The following EIF3H variants were observed in gnomAD, a reference collection of about 807,000 sequenced individuals.
EIF3H encodes eIF-3-gamma.
EIF3H carries 26 observed loss-of-function variants against 44.2 expected under a neutral mutation model. The observed-to-expected ratio is 0.59, with a 90% CI of 0.43 to 0.82. EIF3H has a LOEUF of 0.82. Ranked by LOEUF, EIF3H falls within the 40% of genes least tolerant of loss-of-function variation. EIF3H has a pLI of 0.00. For missense variants in EIF3H, 359 were observed against 432.8 expected, an observed-to-expected ratio of 0.83 and a Z score of 1.51; for synonymous variants, 166 against 151.9, an observed-to-expected ratio of 1.09 and a Z score of -0.68.
chr8:116,738,965 T>C (rs912830627), intron 1 of EIF3H, among the ~76,000 whole-genome samples: 1 of 152,226 alleles, frequency 6.6e-6, no homozygotes, highest in Non-Finnish European at 1.5e-5. Flanking sequence ...ATTACTCTTG[T>C]TGGGAACAGG....
chr8:116,667,698 T>C (rs2130810622), intron 2 of EIF3H, among the ~76,000 whole-genome samples: 1 of 152,326 alleles, frequency 6.6e-6, no homozygotes, highest in East Asian at 1.9e-4. Flanking sequence ...TGATAATAAA[T>C]GACCCACAGA....
At chr8:116,692,829 G>GT (rs1180688088) in intron 2 of EIF3H, among the ~76,000 whole-genome samples, 6 of 152,122 alleles carry the variant, frequency 3.9e-5, no homozygotes, top group Non-Finnish European at 8.8e-5. Context: ...CCTTCAGCTG[G>GT]TTTTCACAAT....
At chr8:116,726,785 GTCT>G (rs1006458071) in intron 1 of EIF3H, among the ~76,000 whole-genome samples, 3 of 152,122 alleles carry the variant, frequency 2.0e-5, no homozygotes, top group African/African-American at 7.2e-5. Flanking sequence ...GAATAACCAG[GTCT>G]TCTACTACTC....
At chr8:116,714,524 A>G (rs1037739107) in intron 2 of EIF3H, among the ~76,000 whole-genome samples, 1 of 152,050 alleles carries the variant, frequency 6.6e-6, no homozygotes, top group African/African-American at 2.4e-5. Context: ...GCTGAAGTGA[A>G]TTACAGTGGA....
intron 1 of EIF3H, among the ~76,000 whole-genome samples, chr8:116,736,285 A>ATACAT (rs1409150860): frequency 1.3e-5 from 2 of 152,214 alleles, no homozygotes; most frequent in African/African-American, 4.8e-5. Flanking sequence ...AAGTGGGGAA[A>ATACAT]CTATTCTATT....
At chr8:116,686,959 C>T (rs986057804) in intron 2 of EIF3H, among the ~76,000 whole-genome samples, 2 of 152,114 alleles carry the variant, frequency 1.3e-5, no homozygotes, top group African/African-American at 4.8e-5. Flanking sequence ...GCCATTATCT[C>T]AAAGGGCCAC....
rs1339843782 is a variant in EIF3H at position 116,646,476 on chromosome 8, A to G, written c.956T>C (p.Ile319Thr). The G allele has an allele frequency of 6.2e-7, 1 of 1,614,214 alleles. No individual in the cohort carries two copies. The highest frequency in any genetic ancestry group is 8.5e-7 in the Non-Finnish European group (1 of 1,180,024). Reference sequence around the variant, plus strand: ...TTTGCACTGGGCAACAATACCTGCAATGAGCAGCGAGTCCATCCTGGCAGG... The same window carrying G: ...TTTGCACTGGGCAACAATACCTGCAGTGAGCAGCGAGTCCATCCTGGCAGG... ...QPPARMDSLL[I>T]AGQINTYCQN... is the part of the protein sequence containing the mutation. Residue 319 changes from isoleucine to threonine, a missense_variant, in exon 7 of 8, where the codon ATT (isoleucine) becomes ACT (threonine). Ile to Thr is a moderately conservative substitution (Grantham distance 89). This residue lies in a region of EIF3H where 94 missense variants were observed against 96.0 expected (regional missense o/e 0.98). Coordinates refer to ENST00000521861, the MANE Select transcript of EIF3H (RefSeq NM_003756.3).
Position 116,658,986 on chromosome 8 carries a change from T to C in EIF3H, c.290-6A>G. 6.3e-7 allele frequency: 1 copy of C among 1,588,456 alleles called. No homozygotes were observed. Among genetic ancestry groups the C allele is most frequent in the South Asian group, 1.2e-5 (1 of 86,636 alleles). ...CATTTCCATCTGATATTGGACTGGATGATGGGGAAGAGGAAATTAAAAGAA... is the reference window on the plus strand; with the variant it reads ...CATTTCCATCTGATATTGGACTGGACGATGGGGAAGAGGAAATTAAAAGAA... On this transcript the variant is annotated splice_polypyrimidine_tract_variant and splice_region_variant and intron_variant, in intron 2 of 7. Coordinates refer to ENST00000521861, the MANE Select transcript of EIF3H (RefSeq NM_003756.3).
chr8:116,751,620 C>A (rs1467989043), intron 1 of EIF3H, among the ~76,000 whole-genome samples: 2 of 152,116 alleles, frequency 1.3e-5, no homozygotes, highest in Non-Finnish European at 2.9e-5. Flanking sequence ...GTCAAACAGG[C>A]AATGGGTATT....
intron 1 of EIF3H, among the ~76,000 whole-genome samples, chr8:116,732,930 T>C (rs914734062): frequency 3.3e-5 from 5 of 152,208 alleles, no homozygotes; most frequent in Admixed American, 2.6e-4. Context: ...AATTCAATTT[T>C]TGACACTATC....
intron 1 of EIF3H, among the ~76,000 whole-genome samples, chr8:116,736,633 G>A (rs965568012): frequency 6.6e-6 from 1 of 152,108 alleles, no homozygotes; most frequent in African/African-American, 2.4e-5. Context: ...TTGCACTCCA[G>A]CCTGGGCGAC....
chr8:116,763,571 G>A (rs1022725098), intron 1 of EIF3H, among the ~76,000 whole-genome samples: 4 of 152,122 alleles, frequency 2.6e-5, no homozygotes, highest in Non-Finnish European at 5.9e-5. Flanking sequence ...CCATGATGGA[G>A]CCTATCCTAG....
intron 2 of EIF3H, among the ~76,000 whole-genome samples, chr8:116,685,048 A>G (rs1439511973): frequency 6.6e-6 from 1 of 152,206 alleles, no homozygotes; most frequent in Admixed American, 6.5e-5. Flanking sequence ...TCAGAAAAAT[A>G]TTTATAAAAT....
chr8:116,694,269 C>CTT (rs1001426265), intron 2 of EIF3H, among the ~76,000 whole-genome samples: 3 of 151,964 alleles, frequency 2.0e-5, no homozygotes, highest in Non-Finnish European at 2.9e-5. Context: ...ATTCATCATG[C>CTT]TATAAAACTT....
intron 2 of EIF3H, among the ~76,000 whole-genome samples, chr8:116,671,276 A>T (rs921373933): frequency 6.6e-6 from 1 of 152,200 alleles, no homozygotes; most frequent in African/African-American, 2.4e-5. Flanking sequence ...CACTGATACT[A>T]AGCTAGCAGT....
intron 2 of EIF3H, among the ~76,000 whole-genome samples, chr8:116,716,456 G>A (rs748458705): frequency 4.6e-5 from 7 of 151,998 alleles, no homozygotes; most frequent in South Asian, 2.1e-4. Context: ...GTGTATTTTC[G>A]TTTCAGTGCT....
chr8:116,766,258 A>G (rs891735493), upstream of EIF3H: 2 of 223,716 alleles, frequency 8.9e-6, no homozygotes, highest in African/African-American at 4.6e-5. Flanking sequence ...ACGCGCCTCT[A>G]AAACGTAGGT....
chr8:116,656,224 C>T (rs1163870371), intron 4 of EIF3H, among the ~76,000 whole-genome samples: 5 of 151,876 alleles, frequency 3.3e-5, no homozygotes, highest in Non-Finnish European at 7.4e-5. Flanking sequence ...AGCTAAAGCC[C>T]AGAAAATGAG....
At chr8:116,734,019 T>C (rs952461930) in intron 1 of EIF3H, among the ~76,000 whole-genome samples, 2 of 152,336 alleles carry the variant, frequency 1.3e-5, no homozygotes, top group Middle Eastern at 3.4e-3. Flanking sequence ...CAATCCTTTA[T>C]GATATCACAC....
Sources: allele counts gnomAD v4.1 joint callset (sites outside exome capture counted in the v4.1 genomes callset), GRCh38; gene constraint gnomAD v4.1.1; regional missense constraint gnomAD v4.1.1; transcripts MANE v1.5; gene names NCBI Gene and HGNC (gene_info 2026-07-23, HGNC 2026-07-21).